THOC3: variants seen among roughly 807,000 people sequenced by gnomAD.
THOC3 encodes THO complex subunit 3.
In THOC3, 4 loss-of-function variants were observed where a neutral mutation model predicts 23.3. The ratio of observed to expected loss-of-function variants is 0.17; its 90% CI spans 0.08 to 0.39. The LOEUF (loss-of-function observed/expected upper bound fraction) is 0.39. Ranked by LOEUF, THOC3 falls within the 10% of genes least tolerant of loss-of-function variation. THOC3 has a pLI of 1.00. For missense variants in THOC3, 64 were observed against 359.4 expected, an observed-to-expected ratio of 0.18 and a Z score of 6.65; for synonymous variants, 27 against 141.5, an observed-to-expected ratio of 0.19 and a Z score of 5.74.
intron 3 of THOC3, among the ~76,000 whole-genome samples, chr5:175,962,553 A>C: frequency 6.9e-6 from 1 of 145,018 alleles, no homozygotes; most frequent in African/African-American, 2.6e-5. Flanking sequence ...GTGGAATCTC[A>C]CTCAGTCGTC....
At chr5:175,962,065 T>C (rs1756669944) in intron 3 of THOC3, among the ~76,000 whole-genome samples, 1 of 151,908 alleles carries the variant, frequency 6.6e-6, no homozygotes, top group Non-Finnish European at 1.5e-5. Context: ...ATATGTAACA[T>C]CTGCACATGC....
intron 2 of THOC3, 34 bp from the exon 3 acceptor site, chr5:175,965,189 G>C (rs1756742427): frequency 6.2e-7 from 1 of 1,611,992 alleles, no homozygotes; most frequent in Non-Finnish European, 8.5e-7. Flanking sequence ...AAGATAATCT[G>C]TTTGCTCATA....
chr5:175,962,319 T>G (rs985364601), intron 3 of THOC3, among the ~76,000 whole-genome samples: 3 of 141,872 alleles, frequency 2.1e-5, no homozygotes, highest in Non-Finnish European at 3.1e-5. Flanking sequence ...AATATATTTG[T>G]AATATAGAAG....
chr5:175,968,077 G>A lies in THOC3; in HGVS notation c.132C>T (p.Gly44=), dbSNP rs1450340810. 1.2e-6 allele frequency: 2 copies of A among 1,611,412 alleles called. No individual in the cohort carries two copies. Among genetic ancestry groups the A allele is most frequent in the Non-Finnish European group, 8.5e-7 (1 of 1,179,634 alleles). ...CCAGGAACTCGCGCGTCTTGCTGTGGCCCCGGAACAGCTCCTGCATCCCAA... is the reference window on the plus strand; with the variant it reads ...CCAGGAACTCGCGCGTCTTGCTGTGACCCCGGAACAGCTCCTGCATCCCAA... ...YVLGMQELFR[G]HSKTREFLAH... is the part of the protein sequence containing the mutation. Residue 44 remains glycine, a synonymous_variant, in exon 1 of 6, where the codon GGC becomes GGT. Transcript: ENST00000265097.
intron 5 of THOC3, chr5:175,960,808 GTAGTT>G (rs1490611849): frequency 5.1e-6 from 3 of 593,398 alleles, no homozygotes; most frequent in Non-Finnish European, 8.9e-6. Context: ...CTTCTACTCT[GTAGTT>G]TAAAGTTTAA....
rs780935668 is a variant in THOC3 at position 175,968,023 on chromosome 5, G to C, written c.186C>G (p.Ala62=). ...LAHSAKVHSV[A]WSCDGRRLAS... is the part of the protein sequence containing the mutation. ...CTAGGCGACGCCCGTCGCAACTCCA[G>C]GCCACCGAGTGCACCTTGGCGCTGT... is the stretch of plus-strand genomic sequence containing the variant. The change falls in exon 1 of 6, where the codon GCC becomes GCG. Residue 62 remains alanine, a synonymous_variant. Coordinates refer to ENST00000265097, the MANE Select transcript of THOC3 (RefSeq NM_032361.4). 8.1e-6 allele frequency: 13 copies of C among 1,610,468 alleles called. No individual in the cohort carries two copies. The highest frequency in any genetic ancestry group is 1.3e-5 in the African/African-American group (1 of 74,886).
At chr5:175,965,198 T>C (rs753157917) in intron 2 of THOC3, 43 bp from the exon 3 acceptor site, 1 of 1,612,590 alleles carries the variant, frequency 6.2e-7, no homozygotes, top group South Asian at 1.1e-5. Flanking sequence ...TGTTTGCTCA[T>C]AATCTTCCAC....
At chr5:175,961,874 G>T (rs1233171244) in intron 3 of THOC3, among the ~76,000 whole-genome samples, 10 of 152,092 alleles carry the variant, frequency 6.6e-5, no homozygotes, top group Non-Finnish European at 5.9e-5. Context: ...AGTTTTAGAA[G>T]TACGTAAATA....
chr5:175,963,669 C>G (rs1178430104), intron 3 of THOC3, among the ~76,000 whole-genome samples: 2 of 148,718 alleles, frequency 1.3e-5, no homozygotes, highest in Non-Finnish European at 3.0e-5. Flanking sequence ...TATAGAATCC[C>G]CATTGCCTAC....
chr5:175,966,108 A>G (rs1581130756), intron 2 of THOC3, among the ~76,000 whole-genome samples: 1 of 150,234 alleles, frequency 6.7e-6, no homozygotes, highest in Non-Finnish European at 1.5e-5. Context: ...GCTTGAGCCC[A>G]GGTGGAGGCT....
At chr5:175,960,395 TA>T in intron 5 of THOC3, 1 of 278,402 alleles carries the variant, frequency 3.6e-6, no homozygotes, top group Non-Finnish European at 7.0e-6. Flanking sequence ...GACATGCAGT[TA>T]CATGAAGGAT....
intron 3 of THOC3, among the ~76,000 whole-genome samples, chr5:175,962,417 TATATACAC>T (rs1264027773): frequency 4.7e-5 from 2 of 42,532 alleles, no homozygotes; most frequent in African/African-American, 8.3e-5. Flanking sequence ...AATATATATA[TATATACAC>T]ACACACACAC....
chr5:175,965,791 C>T (rs1267487032), intron 2 of THOC3, among the ~76,000 whole-genome samples: 1 of 152,242 alleles, frequency 6.6e-6, no homozygotes, highest in Non-Finnish European at 1.5e-5. Flanking sequence ...CATTTCTCAA[C>T]TCCAGCCATT....
intron 2 of THOC3, among the ~76,000 whole-genome samples, chr5:175,965,643 T>G (rs1318131453): frequency 6.6e-6 from 1 of 152,216 alleles, no homozygotes. Context: ...GCCAGGATGG[T>G]CTCGATCTCC....
At chr5:175,964,431 C>T (rs1457064915) in intron 3 of THOC3, among the ~76,000 whole-genome samples, 1 of 152,246 alleles carries the variant, frequency 6.6e-6, no homozygotes, top group Non-Finnish European at 1.5e-5. Flanking sequence ...CCAGCCTGAC[C>T]AACATGGAGA....
intron 5 of THOC3, 34 bp from the exon 6 acceptor site, chr5:175,960,166 C>G (rs758426234): frequency 1.5e-6 from 1 of 652,406 alleles, no homozygotes; most frequent in Non-Finnish European, 2.3e-6. Flanking sequence ...CCAATCAATA[C>G]GTTCAAAACG....
At chr5:175,966,041 G>C (rs1756760337) in intron 2 of THOC3, among the ~76,000 whole-genome samples, 1 of 150,122 alleles carries the variant, frequency 6.7e-6, no homozygotes, top group African/African-American at 2.4e-5. Flanking sequence ...AAATTAGCCA[G>C]GCATGGTGGC....
chr5:175,968,296 G>T lies in THOC3; in HGVS notation c.-88C>A, dbSNP rs758159277. The T allele has an allele frequency of 6.5e-7, 1 of 1,533,326 alleles. No homozygotes were observed. Among genetic ancestry groups the T allele is most frequent in the Non-Finnish European group, 8.7e-7 (1 of 1,145,986 alleles). 95.0% of individuals were successfully genotyped at this position (1,533,326 alleles called of 1,614,324 possible). ...GCGCCGCTGCCGCACGCATGCGCCC[G>T]GAAGAGCGACGGCCCCTCTGCGCAG... On this transcript the variant is annotated 5_prime_UTR_variant, in exon 1 of 6. Coordinates refer to ENST00000265097, the MANE Select transcript of THOC3 (RefSeq NM_032361.4).
chr5:175,961,769 G>A (rs1263163281), intron 3 of THOC3, among the ~76,000 whole-genome samples: 2 of 151,850 alleles, frequency 1.3e-5, no homozygotes, highest in South Asian at 2.1e-4. Context: ...ATACACAAGC[G>A]AGAAAACGAG....
Sources: gnomAD v4.1 joint callset for allele counts (sites outside exome capture counted in the v4.1 genomes callset) on GRCh38, gnomAD v4.1.1 for gene constraint, MANE v1.5 for transcripts, NCBI Gene and HGNC (gene_info 2026-07-23, HGNC 2026-07-21) for gene names.